Variants in ENO4 observed in about 807,000 individuals in gnomAD.
ENO4 encodes the protein 2-phospho-D-glycerate hydro-lyase.
ENO4 carries 53 observed loss-of-function variants against 63.2 expected under a neutral mutation model. The ratio of observed to expected loss-of-function variants is 0.84; its 90% CI spans 0.67 to 1.05. The LOEUF is 1.05. Ranked by LOEUF, ENO4 falls within the 50% of genes least tolerant of loss-of-function variation. The pLI, the probability that ENO4 is intolerant of heterozygous loss-of-function variation, is 0.00. For missense variants in ENO4, 719 were observed against 772.0 expected (o/e 0.93, Z 0.81); for synonymous variants, 266 against 283.8 (o/e 0.94, Z 0.63).
chr10:116,906,722 G>T (rs746920717), intron 10 of ENO4: 1 of 1,612,444 alleles, frequency 6.2e-7, no homozygotes. Flanking sequence ...TAAGCTTCTT[G>T]AACTAGTGGA....
chr10:116,881,453 T>C (rs181867009), intron 13 of ENO4, 62 bp from the exon 14 acceptor site: 139 of 1,293,370 alleles, frequency 1.1e-4, no homozygotes, highest in Non-Finnish European at 3.2e-6. Flanking sequence ...CTTCAACTTA[T>C]GTAGTATATA....
At chr10:116,886,071 A>G (rs890248224), downstream of ENO4, 2 of 425,276 alleles carry the variant, frequency 4.7e-6, no homozygotes, top group Non-Finnish European at 8.3e-6. Flanking sequence ...TTTTTTTGTA[A>G]CCTTCTAAAA....
exon 11 of ENO4, chr10:116,911,624 T>C (rs1848200995): frequency 1.9e-6 from 3 of 1,554,248 alleles, no homozygotes; most frequent in African/African-American, 1.4e-5. Flanking sequence ...ATTATTAACA[T>C]ATGTGATGGA....
chr10:116,861,242 T>G, intron 6 of ENO4, 52 bp downstream of exon 6: 2 of 386,928 alleles, frequency 5.2e-6, no homozygotes, highest in Non-Finnish European at 8.0e-6. Context: ...AAAAAATATA[T>G]ATATATATAT....
intron 8 of ENO4, 111 bp from the exon 9 acceptor site, chr10:116,871,014 A>G: frequency 1.1e-6 from 1 of 884,028 alleles, no homozygotes; most frequent in Non-Finnish European, 1.7e-6. Flanking sequence ...TGAGAATCAA[A>G]GGACTGATCT....
chr10:116,907,005 G>C (rs1035552176), intron 10 of ENO4, among the ~76,000 whole-genome samples: 1 of 152,174 alleles, frequency 6.6e-6, no homozygotes, highest in African/African-American at 2.4e-5. Flanking sequence ...TTCTGGAAGA[G>C]GTGACTATAT....
intron 1 of ENO4, chr10:116,850,252 A>C (rs1268018746): frequency 5.3e-6 from 1 of 190,216 alleles, no homozygotes. Context: ...GCCCCGCCCT[A>C]AACTCCAAAA....
At chr10:116,850,415 G>C (rs1044258414) in intron 1 of ENO4, among the ~76,000 whole-genome samples, 5 of 152,000 alleles carry the variant, frequency 3.3e-5, no homozygotes, top group African/African-American at 1.2e-4. Context: ...CTCACCTTCC[G>C]GGTCTCTGCC....
intron 7 of ENO4, among the ~76,000 whole-genome samples, chr10:116,867,608 G>A (rs1365887105): frequency 6.6e-6 from 1 of 152,106 alleles, no homozygotes; most frequent in Admixed American, 6.5e-5. Context: ...AGGGGTAGAG[G>A]TGGGGCTGGA....
rs760862191 is a variant in ENO4 at position 116,849,729 on chromosome 10, C to G, written c.163C>G (p.Leu55Val). ...CCAGCCTGCCGACGTCTACGGGCAC[C>G]TGGTAGGGACCTGGGACAAGCGCTC... ...YLQPADVYGH[L>V]ANCFSKLAKP... Residue 55 changes from leucine to valine, a missense_variant and splice_region_variant, in exon 1 of 14, where the codon CTG becomes GTG. Leu to Val is a conservative substitution (Grantham distance 32). This residue lies in a region of ENO4 where 544 missense variants were observed against 583.6 expected (regional missense o/e 0.93). Transcript: ENST00000341276. The G allele has an allele frequency of 2.7e-5, 41 of 1,518,114 alleles. No individual in the cohort carries two copies. Among genetic ancestry groups the G allele is most frequent in the South Asian group, 1.3e-4 (10 of 78,694 alleles). 94.0% of individuals were successfully genotyped at this position (1,518,114 alleles called of 1,614,324 possible).
chr10:116,889,928 T>G (rs1047321223), intron 10 of ENO4, among the ~76,000 whole-genome samples: 10 of 152,124 alleles, frequency 6.6e-5, no homozygotes, highest in Non-Finnish European at 1.5e-4. Flanking sequence ...TGCCCAAGAC[T>G]CCTTCTGGAA....
intron 11 of ENO4, among the ~76,000 whole-genome samples, chr10:116,878,388 T>C (rs141684816): frequency 3.9e-5 from 6 of 152,334 alleles, no homozygotes; most frequent in Non-Finnish European, 8.8e-5. Context: ...ACACCGTTGC[T>C]GCAGGAAGAG....
intron 1 of ENO4, 65 bp downstream of exon 1, chr10:116,849,796 A>T: frequency 7.0e-7 from 1 of 1,434,876 alleles, no homozygotes; most frequent in Non-Finnish European, 9.2e-7. Context: ...CGCTGCGGCA[A>T]CGCCTTGCGC....
At chr10:116,898,130 C>T (rs1742942978) in intron 10 of ENO4, among the ~76,000 whole-genome samples, 1 of 152,024 alleles carries the variant, frequency 6.6e-6, no homozygotes, top group East Asian at 1.9e-4. Flanking sequence ...GAGTTCAAGA[C>T]CAGCCTGACC....
At chr10:116,879,698 C>T (rs1846943759) in intron 12 of ENO4, among the ~76,000 whole-genome samples, 171 bp from the exon 13 acceptor site, 1 of 152,188 alleles carries the variant, frequency 6.6e-6, no homozygotes, top group Non-Finnish European at 1.5e-5. Flanking sequence ...CATCTGTTTG[C>T]CTTTCAGCAC....
chr10:116,906,652 C>A, intron 10 of ENO4: 1 of 1,613,366 alleles, frequency 6.2e-7, no homozygotes, highest in South Asian at 1.1e-5. Context: ...CTGCTGTCAC[C>A]TTTCTGCGAC....
In ENO4 at chr10:116,881,708, T is replaced by A; in HGVS notation, c.*39T>A. 7.2e-7 allele frequency: 1 copy of A among 1,394,952 alleles called. No homozygotes were observed. The allele number at this position is 1,394,952 out of a possible 1,614,324, so 86.4% of individuals were successfully genotyped here. A position where few individuals can be genotyped will look rare whatever the true frequency, so the allele number is the denominator to read the frequency against. On this transcript the variant is annotated 3_prime_UTR_variant, in exon 14 of 14. Coordinates refer to ENST00000341276, the MANE Select transcript of ENO4 (RefSeq NM_001242699.2). ...CCAGGTTCCAGCCACACCATCAGTA[T>A]TAGTAGACCGGGAGGTCTGAAGTAC... is the stretch of plus-strand genomic sequence containing the variant.
chr10:116,861,233 AAAAATAT>A (rs1564846469), intron 6 of ENO4, 43 bp downstream of exon 6: 11 of 489,890 alleles, frequency 2.2e-5, no homozygotes, highest in Middle Eastern at 7.6e-4. Flanking sequence ...AAAAAAAAAA[AAAAATAT>A]ATATATATAT....
At chr10:116,884,057 T>C, downstream of ENO4, 4 of 325,362 alleles carry the variant, frequency 1.2e-5, no homozygotes, top group South Asian at 9.8e-5. Context: ...GCACAAGACT[T>C]AATTTATCTT....
Sources: gnomAD v4.1 joint callset for allele counts (sites outside exome capture counted in the v4.1 genomes callset) on GRCh38, gnomAD v4.1.1 for gene constraint, gnomAD v4.1.1 regional missense constraint, MANE v1.5 for transcripts, NCBI Gene and HGNC (gene_info 2026-07-23, HGNC 2026-07-21) for gene names.